The following LRMDA variants were observed in gnomAD, a reference collection of about 807,000 sequenced individuals.
The protein encoded by LRMDA is leucine rich melanocyte differentiation associated.
A neutral mutation model predicts 29.8 loss-of-function variants in LRMDA; 18 were observed. The observed-to-expected ratio is 0.60, with a 90% CI of 0.42 to 0.90. LRMDA has a LOEUF of 0.90. LRMDA is among the 40% of genes least tolerant of loss of function. The probability of loss-of-function intolerance (pLI) is 0.00; values close to 1 mark genes in which losing one functional copy is unlikely to be tolerated. For synonymous variants in LRMDA, 125 were observed against 109.4 expected (o/e 1.14, Z -0.89); for missense variants, 273 against 273.9 (o/e 1.00, Z 0.02).
intron 2 of LRMDA, among the ~76,000 whole-genome samples, chr10:75,902,272 G>T (rs1845687791): frequency 6.6e-6 from 1 of 152,166 alleles, no homozygotes. Context: ...AAATGCTTAG[G>T]GTTGTTTGAG....
intron 2 of LRMDA, among the ~76,000 whole-genome samples, chr10:75,841,450 C>T (rs929748040): frequency 2.0e-5 from 3 of 152,212 alleles, no homozygotes; most frequent in African/African-American, 7.2e-5. Flanking sequence ...GTGGCTGCCA[C>T]CCAAACCTTG....
intron 6 of LRMDA, among the ~76,000 whole-genome samples, chr10:76,536,190 A>T (rs554837957): frequency 7.9e-5 from 12 of 152,334 alleles, no homozygotes; most frequent in African/African-American, 2.9e-4. Context: ...CTGTGAAACA[A>T]TAATACCATT....
chr10:76,310,555 A>G (rs1297134891), intron 5 of LRMDA, among the ~76,000 whole-genome samples: 3 of 152,130 alleles, frequency 2.0e-5, no homozygotes, highest in Non-Finnish European at 2.9e-5. Context: ...GGAAACTACC[A>G]TTTTGTTAGG....
At chr10:75,959,801 A>G (rs898100796) in intron 2 of LRMDA, among the ~76,000 whole-genome samples, 3 of 152,204 alleles carry the variant, frequency 2.0e-5, no homozygotes, top group African/African-American at 7.2e-5. Context: ...AGTATTCAGT[A>G]TCAAAGGAAT....
intron 6 of LRMDA, among the ~76,000 whole-genome samples, chr10:76,542,461 A>T (rs1329367260): frequency 6.6e-6 from 1 of 152,192 alleles, no homozygotes; most frequent in East Asian, 1.9e-4. Flanking sequence ...GTGATGAGAT[A>T]TAACCCCTGG....
At chr10:76,509,913 G>T (rs1456106354) in intron 6 of LRMDA, among the ~76,000 whole-genome samples, 1 of 152,172 alleles carries the variant, frequency 6.6e-6, no homozygotes, top group African/African-American at 2.4e-5. Flanking sequence ...AGCCTGGGCT[G>T]CCAAGCAGGT....
intron 2 of LRMDA, among the ~76,000 whole-genome samples, chr10:75,902,434 G>A (rs11596659): frequency 0.31 from 46,750 of 151,928 alleles, 7,529 homozygotes; most frequent in South Asian, 0.56. Flanking sequence ...AAAGTGCTTG[G>A]CCTTGGGCAG....
chr10:76,527,722 A>G (rs1226028876), intron 6 of LRMDA, among the ~76,000 whole-genome samples: 4 of 152,186 alleles, frequency 2.6e-5, no homozygotes, highest in Non-Finnish European at 5.9e-5. Context: ...AGCTATAATT[A>G]TTATAATCAT....
intron 6 of LRMDA, among the ~76,000 whole-genome samples, chr10:76,473,766 C>G (rs2132319471): frequency 6.6e-6 from 1 of 151,656 alleles, no homozygotes; most frequent in Middle Eastern, 3.4e-3. Flanking sequence ...GAGTAAAAGA[C>G]TTAGAAATAA....
intron 5 of LRMDA, among the ~76,000 whole-genome samples, chr10:76,211,262 A>G (rs766236512): frequency 5.3e-5 from 8 of 152,212 alleles, no homozygotes; most frequent in Non-Finnish European, 1.2e-4. Flanking sequence ...TGCACTTGTC[A>G]TTGGTGCTCT....
intron 2 of LRMDA, among the ~76,000 whole-genome samples, chr10:75,856,721 TATC>T (rs1431323119): frequency 6.6e-6 from 1 of 152,158 alleles, no homozygotes; most frequent in Non-Finnish European, 1.5e-5. Flanking sequence ...CCACAGCCAA[TATC>T]ATACTGAATG....
At chr10:76,363,145 GAAA>G (rs1564520556) in intron 6 of LRMDA, among the ~76,000 whole-genome samples, 1,190 of 35,428 alleles carry the variant, frequency 0.034, 32 homozygotes, top group Non-Finnish European at 0.05. Flanking sequence ...AAGAAAGAAA[GAAA>G]GAAAGAAAGA....
intron 6 of LRMDA, among the ~76,000 whole-genome samples, chr10:76,458,835 A>G (rs544095858): frequency 6.6e-6 from 1 of 152,212 alleles, no homozygotes; most frequent in East Asian, 1.9e-4. Flanking sequence ...AACTTTGAAA[A>G]TATATTAAGA....
chr10:75,885,265 G>A (rs1845365775), intron 2 of LRMDA, among the ~76,000 whole-genome samples: 1 of 152,208 alleles, frequency 6.6e-6, no homozygotes, highest in South Asian at 2.1e-4. Flanking sequence ...CTGAAGCTGG[G>A]CTGTTTGCAT....
intron 6 of LRMDA, among the ~76,000 whole-genome samples, chr10:76,326,054 A>G (rs935800655): frequency 1.3e-5 from 2 of 152,188 alleles, no homozygotes; most frequent in Admixed American, 6.5e-5. Flanking sequence ...AGACATCTCA[A>G]TTTTACTGAA....
intron 5 of LRMDA, among the ~76,000 whole-genome samples, chr10:76,065,944 C>A (rs1418500060): frequency 6.6e-6 from 1 of 152,226 alleles, no homozygotes; most frequent in Non-Finnish European, 1.5e-5. Flanking sequence ...ACATGAGAGA[C>A]ACCATGACCA....
chr10:76,084,192 C>A (rs1372637235), intron 5 of LRMDA, among the ~76,000 whole-genome samples: 4 of 142,378 alleles, frequency 2.8e-5, no homozygotes, highest in African/African-American at 1.2e-4. Context: ...CTTTTCTTTT[C>A]TCTATTTATT....
intron 2 of LRMDA, among the ~76,000 whole-genome samples, chr10:75,817,867 A>C (rs1844087855): frequency 2.0e-5 from 3 of 152,220 alleles, no homozygotes; most frequent in Admixed American, 2.0e-4. Flanking sequence ...ATATTTCATT[A>C]TCTCACGTAA....
intron 2 of LRMDA, among the ~76,000 whole-genome samples, chr10:75,861,640 A>G (rs1844932050): frequency 6.6e-6 from 1 of 152,160 alleles, no homozygotes; most frequent in African/African-American, 2.4e-5. Context: ...TAGAACAAGA[A>G]AAAAAAAGAT....
Sources: allele counts gnomAD v4.1 joint callset (sites outside exome capture counted in the v4.1 genomes callset), GRCh38; gene constraint gnomAD v4.1.1; transcripts MANE v1.5; gene names NCBI Gene and HGNC (gene_info 2026-07-23, HGNC 2026-07-21).